The following CHD9 variants were observed in gnomAD, a reference collection of about 807,000 sequenced individuals.
The protein encoded by CHD9 is ATP-dependent chromatin remodeler CHD9.
In CHD9, 77 loss-of-function variants were observed where a neutral mutation model predicts 316.1. The ratio of observed to expected loss-of-function variants is 0.24; its 90% CI spans 0.20 to 0.29. The LOEUF is 0.29. Among genes scored for constraint, CHD9 ranks in the 10% least tolerant of loss-of-function variants. The pLI, the probability that CHD9 is intolerant of heterozygous loss-of-function variation, is 1.00. For missense variants in CHD9, 2,763 were observed against 3,438.1 expected, an observed-to-expected ratio of 0.80 and a Z score of 4.91; for synonymous variants, 1,129 against 1,158.3, an observed-to-expected ratio of 0.97 and a Z score of 0.51.
At chr16:53,189,770 G>T (rs2044331527) in intron 2 of CHD9, among the ~76,000 whole-genome samples, 1 of 151,978 alleles carries the variant, frequency 6.6e-6, no homozygotes, top group Non-Finnish European at 1.5e-5. Context: ...TAGTGCATTT[G>T]TAGACTGTGC....
At chr16:53,206,943 A>G (rs1304761189) in intron 2 of CHD9, among the ~76,000 whole-genome samples, 1 of 152,172 alleles carries the variant, frequency 6.6e-6, no homozygotes, top group African/African-American at 2.4e-5. Flanking sequence ...TATTGTTATT[A>G]TTTTCACATT....
At chr16:53,105,638 A>G (rs2037283937) in intron 1 of CHD9, among the ~76,000 whole-genome samples, 1 of 152,132 alleles carries the variant, frequency 6.6e-6, no homozygotes. Context: ...CTTTTAAAAG[A>G]GCCTGGAATC....
chr16:53,056,947 A>G (rs1000657988), intron 1 of CHD9, among the ~76,000 whole-genome samples: 4 of 151,888 alleles, frequency 2.6e-5, no homozygotes, highest in African/African-American at 9.7e-5. Flanking sequence ...TAGGAGTTTC[A>G]GATCAGCCTG....
At chr16:53,112,619 A>AT (rs945156554) in intron 1 of CHD9, among the ~76,000 whole-genome samples, 16 of 151,702 alleles carry the variant, frequency 1.1e-4, no homozygotes, top group Admixed American at 8.5e-4. Context: ...CTATAACTGG[A>AT]TTTTTTTTTC....
intron 1 of CHD9, among the ~76,000 whole-genome samples, chr16:53,099,956 G>A (rs2036707043): frequency 6.6e-6 from 1 of 152,192 alleles, no homozygotes; most frequent in Non-Finnish European, 1.5e-5. Flanking sequence ...AGGAGGTGGG[G>A]AGTTGAGTCA....
intron 3 of CHD9, among the ~76,000 whole-genome samples, chr16:53,210,404 AG>A (rs2046238319): frequency 6.6e-6 from 1 of 152,038 alleles, no homozygotes; most frequent in Non-Finnish European, 1.5e-5. Flanking sequence ...AGGCCAGGTG[AG>A]GATTAATGCT....
intron 34 of CHD9, among the ~76,000 whole-genome samples, chr16:53,313,289 C>A (rs2056617056): frequency 6.6e-6 from 1 of 151,696 alleles, no homozygotes; most frequent in African/African-American, 2.4e-5. Context: ...TTTAAAAGTT[C>A]TGATGTTATA....
chr16:53,179,133 T>C (rs1041526650), intron 2 of CHD9, among the ~76,000 whole-genome samples: 8 of 152,244 alleles, frequency 5.3e-5, no homozygotes, highest in African/African-American at 1.9e-4. Flanking sequence ...ATAGGATAGA[T>C]TTTGGTTTTG....
intron 1 of CHD9, among the ~76,000 whole-genome samples, chr16:53,075,095 C>G (rs2034409836): frequency 6.6e-6 from 1 of 152,218 alleles, no homozygotes; most frequent in Non-Finnish European, 1.5e-5. Context: ...GATATGAGAC[C>G]TGGAGTCAAA....
At chr16:53,137,138 T>C (rs1217196592) in intron 1 of CHD9, among the ~76,000 whole-genome samples, 1 of 152,074 alleles carries the variant, frequency 6.6e-6, no homozygotes, top group African/African-American at 2.4e-5. Flanking sequence ...CACGCCCAGC[T>C]AATTTTTGTA....
At chr16:53,080,213 A>T (rs991755706) in intron 1 of CHD9, among the ~76,000 whole-genome samples, 1 of 152,220 alleles carries the variant, frequency 6.6e-6, no homozygotes, top group Non-Finnish European at 1.5e-5. Context: ...GTGGGCAGAA[A>T]CAGATCTTAG....
At chr16:53,162,783 CTTTT>C (rs1204390530) in intron 2 of CHD9, among the ~76,000 whole-genome samples, 4 of 133,884 alleles carry the variant, frequency 3.0e-5, no homozygotes, top group Non-Finnish European at 6.5e-5. Context: ...ACATATAAGC[CTTTT>C]TTTTTTTTTT....
intron 32 of CHD9, among the ~76,000 whole-genome samples, 191 bp from the exon 33 acceptor site, chr16:53,307,490 C>A (rs1304300111): frequency 6.6e-6 from 1 of 152,030 alleles, no homozygotes; most frequent in Non-Finnish European, 1.5e-5. Flanking sequence ...TATTTTTGAA[C>A]TTCACCAAAG....
intron 19 of CHD9, among the ~76,000 whole-genome samples, chr16:53,258,110 A>G (rs2050766389): frequency 6.6e-6 from 1 of 152,160 alleles, no homozygotes; most frequent in Admixed American, 6.5e-5. Flanking sequence ...TTAACATGTT[A>G]ATGATAATGA....
At position 53,267,981 on chromosome 16, in the gene CHD9, T is replaced by C; in HGVS notation, c.4572T>C (p.Asn1524=). The C allele has an allele frequency of 6.2e-7, 1 of 1,613,698 alleles. No individual in the cohort carries two copies. The highest frequency in any genetic ancestry group is 1.1e-5 in the South Asian group (1 of 91,082). ...LSHGRFKRQL[N]EHDVEIICRA... is the part of the protein sequence containing the mutation. ...ATGGCCGTTTCAAAAGGCAGCTAAATGAACACGATGTAGAGATAATTTGCC... is the reference window on the plus strand; with the variant it reads ...ATGGCCGTTTCAAAAGGCAGCTAAACGAACACGATGTAGAGATAATTTGCC... The change falls in exon 22 of 39, where the codon AAT becomes AAC. Residue 1524 remains asparagine, a synonymous_variant. Transcript: ENST00000447540.
At chr16:53,300,454 T>C (rs546375695) in intron 30 of CHD9, among the ~76,000 whole-genome samples, 73 of 152,160 alleles carry the variant, frequency 4.8e-4, no homozygotes, top group African/African-American at 1.6e-3. Flanking sequence ...AAAAGGAAGA[T>C]TAACATAGGT....
intron 4 of CHD9, among the ~76,000 whole-genome samples, chr16:53,224,037 A>G (rs2047452529): frequency 6.6e-6 from 1 of 152,192 alleles, no homozygotes; most frequent in African/African-American, 2.4e-5. Flanking sequence ...AACAGAGTAT[A>G]CTATTAGGAA....
chr16:53,082,028 A>T (rs1221067433), intron 1 of CHD9, among the ~76,000 whole-genome samples: 3 of 152,144 alleles, frequency 2.0e-5, no homozygotes, highest in Admixed American at 1.3e-4. Flanking sequence ...AACAAAATGT[A>T]TGAATGTTCT....
intron 1 of CHD9, among the ~76,000 whole-genome samples, chr16:53,091,320 T>G (rs1161235908): frequency 2.0e-5 from 3 of 152,214 alleles, no homozygotes; most frequent in Non-Finnish European, 4.4e-5. Context: ...CAAGCTGCTC[T>G]CTCTGCTTCA....
Sources: gnomAD v4.1 joint callset for allele counts (sites outside exome capture counted in the v4.1 genomes callset) on GRCh38, gnomAD v4.1.1 for gene constraint, MANE v1.5 for transcripts, NCBI Gene and HGNC (gene_info 2026-07-23, HGNC 2026-07-21) for gene names.